The following TBC1D1 variants were observed in gnomAD, a reference collection of about 807,000 sequenced individuals.
The protein encoded by TBC1D1 is TBC1 domain family member 1, also known as TBC1 (tre-2/USP6, BUB2, cdc16) domain family, member 1.
Under a neutral mutation model 125.6 loss-of-function variants are expected in TBC1D1, and 89 were observed. The observed-to-expected ratio is 0.71, with a 90% CI of 0.60 to 0.85. The LOEUF (loss-of-function observed/expected upper bound fraction) is 0.85. TBC1D1 is among the 40% of genes least tolerant of loss of function. The pLI, the probability that TBC1D1 is intolerant of heterozygous loss-of-function variation, is 0.00. For missense variants in TBC1D1, 1,377 were observed against 1,469.2 expected (o/e 0.94, Z 1.03); for synonymous variants, 565 against 564.1 (o/e 1.00, Z -0.02).
intron 12 of TBC1D1, among the ~76,000 whole-genome samples, chr4:38,072,092 A>G (rs1240473018): frequency 1.3e-5 from 2 of 152,218 alleles, no homozygotes; most frequent in South Asian, 2.1e-4. Context: ...AGATAGGGCT[A>G]GCAGTAACTG....
At chr4:38,017,734 T>G (rs551394448) in intron 3 of TBC1D1, among the ~76,000 whole-genome samples, 1 of 152,300 alleles carries the variant, frequency 6.6e-6, no homozygotes, top group South Asian at 2.1e-4. Context: ...CCCAAGAAGC[T>G]TAGCGCTCCA....
At chr4:38,031,230 AGT>A (rs1746070917) in intron 7 of TBC1D1, among the ~76,000 whole-genome samples, 1 of 152,218 alleles carries the variant, frequency 6.6e-6, no homozygotes, top group Admixed American at 6.5e-5. Flanking sequence ...AATCTATATG[AGT>A]GTGTTTCAGG....
At chr4:38,135,150 T>C (rs1766276728) in intron 19 of TBC1D1, among the ~76,000 whole-genome samples, 2 of 152,228 alleles carry the variant, frequency 1.3e-5, no homozygotes, top group Non-Finnish European at 2.9e-5. Context: ...AGTACTGAAT[T>C]TTCATATAGC....
At chr4:37,983,119 C>A (rs1221212643) in intron 2 of TBC1D1, among the ~76,000 whole-genome samples, 1 of 124,908 alleles carries the variant, frequency 8.0e-6, no homozygotes, top group Non-Finnish European at 1.6e-5. Context: ...TTTCCCCAAA[C>A]TCTTTTTTTT....
At chr4:37,921,603 G>C (rs1721017548) in intron 2 of TBC1D1, among the ~76,000 whole-genome samples, 2 of 151,318 alleles carry the variant, frequency 1.3e-5, no homozygotes, top group African/African-American at 2.4e-5. Context: ...AGTTGAGATG[G>C]GGTTTCACCA....
chr4:37,988,763 A>G (rs1735955441), intron 2 of TBC1D1, among the ~76,000 whole-genome samples: 2 of 152,196 alleles, frequency 1.3e-5, no homozygotes, highest in Admixed American at 1.3e-4. Context: ...AAGCACCCCA[A>G]CTGACCGATG....
At chr4:38,087,845 C>CAAAAAAAAAAA (rs1215951890) in intron 12 of TBC1D1, among the ~76,000 whole-genome samples, 1 of 67,880 alleles carries the variant, frequency 1.5e-5, no homozygotes, top group African/African-American at 5.2e-5. Flanking sequence ...GATTCCGTCT[C>CAAAAAAAAAAA]AAAAAAAAAA....
rs1466678756 is a variant in TBC1D1 at position 38,014,064 on chromosome 4, AT to A, written c.418-444del. Reference sequence around the variant, plus strand: ...AAAGTATACTGCCATGAGATCTAGAATAATTGAGTCATGTTTTGTGAACCAC... The same window carrying A: ...AAAGTATACTGCCATGAGATCTAGAAAATTGAGTCATGTTTTGTGAACCAC... On this transcript the variant is annotated intron_variant, in intron 2 of 19. Transcript: ENST00000261439. This position sits in a 1 kb window ranked among gnomAD's most constrained non-coding sequence, Gnocchi z 5.1. Among the ~76,000 whole-genome samples the A allele has an allele frequency of 6.6e-6, 1 of 152,222 alleles. No individual in the cohort carries two copies. The highest frequency in any genetic ancestry group is 1.5e-5 in the Non-Finnish European group (1 of 68,044).
At chr4:37,957,435 C>A (rs182314401) in intron 2 of TBC1D1, among the ~76,000 whole-genome samples, 1 of 152,208 alleles carries the variant, frequency 6.6e-6, no homozygotes, top group Admixed American at 6.5e-5. Flanking sequence ...GCCTGAGCAA[C>A]ACAGCAGGAC....
chr4:37,958,984 G>A (rs1020898587), intron 2 of TBC1D1, among the ~76,000 whole-genome samples: 1 of 152,138 alleles, frequency 6.6e-6, no homozygotes, highest in African/African-American at 2.4e-5. Context: ...GAATTTACAA[G>A]CTCCATATAG....
intron 2 of TBC1D1, chr4:37,952,836 T>C (rs1728171199): frequency 6.6e-6 from 1 of 152,284 alleles, no homozygotes. Flanking sequence ...TCTTGAATCC[T>C]GGTTTTTTAC....
intron 6 of TBC1D1, among the ~76,000 whole-genome samples, 186 bp from the exon 7 acceptor site, chr4:38,027,602 A>G (rs1009705246): frequency 5.3e-5 from 8 of 152,050 alleles, no homozygotes; most frequent in African/African-American, 1.7e-4. Context: ...CACCACTGCA[A>G]TCCAGCCTGG....
chr4:38,009,872 C>A (rs529315973), intron 2 of TBC1D1, among the ~76,000 whole-genome samples: 7 of 152,292 alleles, frequency 4.6e-5, no homozygotes, highest in African/African-American at 1.7e-4. Context: ...AAGCCCCACA[C>A]CCTTATTGAA....
At chr4:37,892,383 T>A (rs1378247594) in intron 1 of TBC1D1, among the ~76,000 whole-genome samples, 1 of 152,086 alleles carries the variant, frequency 6.6e-6, no homozygotes, top group Non-Finnish European at 1.5e-5. Flanking sequence ...GCCACCTCAC[T>A]GGAGCCTGGG....
At chr4:38,107,199 G>A (rs1761457801) in intron 15 of TBC1D1, among the ~76,000 whole-genome samples, 1 of 152,178 alleles carries the variant, frequency 6.6e-6, no homozygotes, top group Admixed American at 6.5e-5. Context: ...GGGGAAACTG[G>A]GATTGGCCTA....
Position 37,995,647 on chromosome 4 carries a change from G to A in TBC1D1, c.418-18862G>A, listed in dbSNP as rs191059031. 136 of 510,048 alleles carry A rather than the reference G, an allele frequency of 2.7e-4. No individual in the cohort carries two copies. Among genetic ancestry groups the A allele is most frequent in the East Asian group, 2.3e-3 (43 of 18,426 alleles). The allele number at this position is 510,048 out of a possible 1,614,324, so 31.6% of individuals were successfully genotyped here. On this transcript the variant is annotated intron_variant, in intron 2 of 19. Coordinates refer to ENST00000261439, the MANE Select transcript of TBC1D1 (RefSeq NM_015173.4). This position sits in a 1 kb window ranked among gnomAD's most constrained non-coding sequence, Gnocchi z 4.3. ...TGTCTTATCTCACTTTTGCACCAAC[G>A]CCTGGTAATCCATTACATGGGTCTC...
chr4:38,002,963 C>G (rs1404582259), intron 2 of TBC1D1, among the ~76,000 whole-genome samples: 2 of 152,212 alleles, frequency 1.3e-5, no homozygotes, highest in African/African-American at 2.4e-5. Flanking sequence ...AGATTCCAGT[C>G]TACCTGAGTC....
intron 10 of TBC1D1, among the ~76,000 whole-genome samples, chr4:38,047,597 T>C (rs1749739872): frequency 6.6e-6 from 1 of 152,080 alleles, no homozygotes; most frequent in African/African-American, 2.4e-5. Flanking sequence ...GCCCCTTTCA[T>C]GTAGGAAGTT....
At chr4:38,052,017 CAT>C in intron 11 of TBC1D1, 1 of 1,551,076 alleles carries the variant, frequency 6.4e-7, no homozygotes, top group Non-Finnish European at 8.7e-7. Context: ...GTACCTAAAA[CAT>C]AATTCCAGTG....
Sources: allele counts gnomAD v4.1 joint callset (sites outside exome capture counted in the v4.1 genomes callset), GRCh38; gene constraint gnomAD v4.1.1; non-coding constraint Gnocchi (gnomAD v3.1); transcripts MANE v1.5; gene names NCBI Gene and HGNC (gene_info 2026-07-23, HGNC 2026-07-21).